TIAM1: variants seen among roughly 807,000 people sequenced by gnomAD.
TIAM1 encodes the protein rho guanine nucleotide exchange factor TIAM1.
TIAM1 carries 65 observed loss-of-function variants against 163.5 expected under a neutral mutation model. The observed-to-expected ratio is 0.40, with a 90% CI of 0.33 to 0.49. The LOEUF (loss-of-function observed/expected upper bound fraction) is 0.49, where lower values mean the gene tolerates loss of function less well. Ranked by LOEUF, TIAM1 falls within the 20% of genes least tolerant of loss-of-function variation. The pLI is 0.77. For missense variants in TIAM1, 1,789 were observed against 2,044.7 expected (o/e 0.87, Z 2.41); for synonymous variants, 833 against 810.1 (o/e 1.03, Z -0.48).
intron 2 of TIAM1, among the ~76,000 whole-genome samples, chr21:31,366,935 T>A (rs2076513856): frequency 6.6e-6 from 1 of 152,172 alleles, no homozygotes; most frequent in African/African-American, 2.4e-5. Context: ...AACACTTTAC[T>A]GGAAATCTTG....
At chr21:31,260,683 GAAAGAT>G (rs778063274) in intron 4 of TIAM1, among the ~76,000 whole-genome samples, 10 of 50,544 alleles carry the variant, frequency 2.0e-4, no homozygotes, top group Middle Eastern at 9.8e-3. Flanking sequence ...GCCAGAAAAA[GAAAGAT>G]AAAGAGAAAA....
At chr21:31,161,458 C>T (rs1480999370) in intron 16 of TIAM1, among the ~76,000 whole-genome samples, 1 of 152,158 alleles carries the variant, frequency 6.6e-6, no homozygotes, top group East Asian at 1.9e-4. Context: ...TCCCCTGCCC[C>T]TCCCCAGCGG....
intron 2 of TIAM1, among the ~76,000 whole-genome samples, chr21:31,402,721 G>A (rs1011461538): frequency 9.2e-5 from 14 of 152,154 alleles, no homozygotes; most frequent in African/African-American, 1.2e-4. Flanking sequence ...AGGCCGAGGC[G>A]GGGGTATCAT....
At chr21:31,152,991 T>C in intron 18 of TIAM1, 75 bp downstream of exon 18, 6 of 1,394,018 alleles carry the variant, frequency 4.3e-6, no homozygotes, top group Non-Finnish European at 6.0e-6. Flanking sequence ...GTTACGCATG[T>C]CCCCATTTTT....
chr21:31,222,707 ATTTTTTTTT>A (rs527864043), intron 8 of TIAM1, among the ~76,000 whole-genome samples: 40 of 32,864 alleles, frequency 1.2e-3, no homozygotes, highest in African/African-American at 1.6e-3. Context: ...ATATATATAT[ATTTTTTTTT>A]TTTTTTTTTT....
At chr21:31,326,175 C>T (rs1230326517) in intron 2 of TIAM1, among the ~76,000 whole-genome samples, 2 of 152,030 alleles carry the variant, frequency 1.3e-5, no homozygotes, top group Non-Finnish European at 2.9e-5. Flanking sequence ...ATGACATGTC[C>T]TGATTTTGTT....
chr21:31,128,421 C>T (rs2082290380), intron 25 of TIAM1, among the ~76,000 whole-genome samples: 1 of 152,102 alleles, frequency 6.6e-6, no homozygotes, highest in Admixed American at 6.5e-5. Flanking sequence ...GCTTTGTCTT[C>T]AAAATTTGAA....
chr21:31,394,728 T>TCTCACA (rs1279053911), intron 2 of TIAM1, among the ~76,000 whole-genome samples: 3,203 of 95,614 alleles, frequency 0.033, 79 homozygotes, highest in Middle Eastern at 0.091. Context: ...TCTCTCTCTC[T>TCTCACA]CACACACACA....
At chr21:31,522,974 A>G (rs1171841826) in intron 1 of TIAM1, among the ~76,000 whole-genome samples, 3 of 152,246 alleles carry the variant, frequency 2.0e-5, no homozygotes, top group African/African-American at 4.8e-5. Flanking sequence ...CCGACCAGCT[A>G]TAAAATAAAT....
chr21:31,213,866 C>CCA (rs71318260), intron 9 of TIAM1, among the ~76,000 whole-genome samples: 1 of 54,876 alleles, frequency 1.8e-5, no homozygotes, highest in African/African-American at 6.2e-5. Flanking sequence ...CTCATCTCTA[C>CCA]AAAAAAAAAA....
intron 17 of TIAM1, among the ~76,000 whole-genome samples, chr21:31,153,604 C>T (rs1017925836): frequency 6.6e-6 from 1 of 152,162 alleles, no homozygotes; most frequent in African/African-American, 2.4e-5. Context: ...AACACAAAGA[C>T]AACAGACCTG....
intron 2 of TIAM1, among the ~76,000 whole-genome samples, chr21:31,377,651 C>T (rs1038712527): frequency 9.2e-5 from 14 of 152,158 alleles, no homozygotes; most frequent in East Asian, 1.9e-4. Context: ...CAGGACATCA[C>T]ATTCCTGCTT....
intron 2 of TIAM1, among the ~76,000 whole-genome samples, chr21:31,295,430 A>G (rs931065739): frequency 1.4e-5 from 2 of 138,558 alleles, no homozygotes; most frequent in African/African-American, 2.8e-5. Context: ...AGATCACGCC[A>G]CTGCATTCCA....
At chr21:31,145,172 G>A (rs2083054152) in intron 20 of TIAM1, among the ~76,000 whole-genome samples, 1 of 152,136 alleles carries the variant, frequency 6.6e-6, no homozygotes, top group Non-Finnish European at 1.5e-5. Context: ...ATGACAAGGA[G>A]AATCCCAGGT....
chr21:31,348,219 C>T (rs955155923), upstream of TIAM1, among the ~76,000 whole-genome samples: 3 of 152,150 alleles, frequency 2.0e-5, no homozygotes, highest in African/African-American at 4.8e-5. Context: ...TCAGGGGTCT[C>T]CAGAACCAAC....
At chr21:31,426,335 G>A (rs1048658158) in intron 2 of TIAM1, among the ~76,000 whole-genome samples, 1 of 152,060 alleles carries the variant, frequency 6.6e-6, no homozygotes, top group Admixed American at 6.6e-5. Context: ...GGGCTCCATG[G>A]GATCATTCTA....
At position 31,445,157 on chromosome 21, in the gene TIAM1, C is replaced by CAG. The variant is rs552171044; in HGVS notation, c.-369+18824_-369+18825dup. The stretch of plus-strand genomic sequence containing the variant: ...ATATGAGATACAACATCAAATGTCG[C>CAG]AGGCTAATGTGAGAAACAGTCTATG... On this transcript the variant is annotated intron_variant, in intron 2 of 28. Transcript: ENST00000286827. Among the ~76,000 whole-genome samples the CAG allele has an allele frequency of 3.7e-3, 252 of 67,534 alleles. 1 individual carries two copies. The highest frequency in any genetic ancestry group is 5.7e-3 in the Non-Finnish European group (210 of 36,948). The allele number at this position is 67,534 out of a possible 152,430, so 44.3% of individuals were successfully genotyped here.
Position 31,413,264 on chromosome 21 carries a change from C to CTTTTTTT in TIAM1, c.-369+50712_-369+50718dup, listed in dbSNP as rs397866519. 1.2e-3 allele frequency among the ~76,000 whole-genome samples: 106 copies of CTTTTTTT among 87,856 alleles called. 1 individual carries two copies. The highest frequency in any genetic ancestry group is 2.2e-3 in the East Asian group (6 of 2,718). 57.6% of individuals were successfully genotyped at this position (87,856 alleles called of 152,430 possible). ...TTTCTTTTTTCTTTTCTTTTCTTTT[C>CTTTTTTT]TTTTTTTTTTTTTTTTTTTTTTTGA... On this transcript the variant is annotated intron_variant, in intron 2 of 28. Coordinates refer to the TIAM1 transcript ENST00000286827.
intron 2 of TIAM1, among the ~76,000 whole-genome samples, chr21:31,423,306 G>C (rs1175317012): frequency 6.6e-6 from 1 of 151,858 alleles, no homozygotes; most frequent in Non-Finnish European, 1.5e-5. Flanking sequence ...CACCATGTTA[G>C]CCAGGATAGT....
Sources: allele counts gnomAD v4.1 joint callset (sites outside exome capture counted in the v4.1 genomes callset), GRCh38; gene constraint gnomAD v4.1.1; transcripts MANE v1.5; gene names NCBI Gene and HGNC (gene_info 2026-07-23, HGNC 2026-07-21).